The following KIN variants were observed in gnomAD, a reference collection of about 807,000 sequenced individuals.
KIN encodes Kin17 DNA and RNA binding protein, also known as DNA/RNA-binding protein KIN17.
A neutral mutation model predicts 63.0 loss-of-function variants in KIN; 47 were observed. The observed-to-expected ratio is 0.75, with a 90% CI of 0.59 to 0.95. KIN has a LOEUF of 0.95. Among genes scored for constraint, KIN ranks in the 40% least tolerant of loss-of-function variants. The probability of loss-of-function intolerance (pLI) is 0.00; values close to 1 mark genes in which losing one functional copy is unlikely to be tolerated. For missense variants in KIN, 408 were observed against 460.9 expected (o/e 0.89, Z 1.05); for synonymous variants, 160 against 157.7 (o/e 1.01, Z -0.11).
At chr10:7,764,450 A>G (rs758212671) in intron 9 of KIN, among the ~76,000 whole-genome samples, 4 of 152,238 alleles carry the variant, frequency 2.6e-5, no homozygotes, top group Non-Finnish European at 4.4e-5. Flanking sequence ...CTAAAAGCTA[A>G]TAATGAAAAT....
Position 7,756,111 on chromosome 10 carries a change from A to C in KIN, c.1151T>G (p.Ile384Ser). The C allele has an allele frequency of 6.5e-7, 1 of 1,535,062 alleles. No individual in the cohort carries two copies. The highest frequency in any genetic ancestry group is 8.9e-7 in the Non-Finnish European group (1 of 1,123,906). ...GPLKGRRVEG[I>S]QYEDISKLA is the part of the protein sequence containing the mutation. ...AAGTTTAGAAATGTCTTCATATTGA[A>C]TTCCTTCAACTCTGCGTCCTTTTAA... The change falls in exon 13 of 13, where the codon ATT becomes AGT. Residue 384 changes from isoleucine (I) to serine (S), a missense_variant. This residue lies in a region of KIN where 298 missense variants were observed against 296.0 expected (regional missense o/e 1.01). Coordinates refer to ENST00000379562, the MANE Select transcript of KIN (RefSeq NM_012311.4).
chr10:7,760,331 A>G (rs1200067578), intron 11 of KIN, among the ~76,000 whole-genome samples: 4 of 152,196 alleles, frequency 2.6e-5, no homozygotes, highest in African/African-American at 9.6e-5. Context: ...TCTTTGCAAA[A>G]TTCATAAGAT....
chr10:7,769,490 C>T (rs878899846), intron 7 of KIN, 145 bp from the exon 8 acceptor site: 1 of 768,864 alleles, frequency 1.3e-6, no homozygotes, highest in Admixed American at 2.6e-5. Context: ...CTGTCCACAT[C>T]TCTTACAGAA....
chr10:7,756,907 GAT>G (rs2130981347), intron 12 of KIN, among the ~76,000 whole-genome samples: 2 of 152,174 alleles, frequency 1.3e-5, no homozygotes, highest in African/African-American at 4.8e-5. Context: ...ATTAATGAAA[GAT>G]ATTTTCTATC....
In KIN at chr10:7,751,386, A is replaced by T. The variant is rs375117017; in HGVS notation, c.*4694T>A. On this transcript the variant is annotated 3_prime_UTR_variant, in exon 13 of 13. Coordinates refer to ENST00000379562, the MANE Select transcript of KIN (RefSeq NM_012311.4). ...AGTGAGCTCCTCTAAACCTAATTGCAAAATCTTAAGGAAATCTGATTGTTT... is the reference window on the plus strand; with the variant it reads ...AGTGAGCTCCTCTAAACCTAATTGCTAAATCTTAAGGAAATCTGATTGTTT... The T allele has an allele frequency of 2.6e-5, 4 of 152,196 alleles. No individual in the cohort carries two copies. Among genetic ancestry groups the T allele is most frequent in the African/African-American group, 9.7e-5 (4 of 41,444 alleles). The allele number at this position is 152,196 out of a possible 1,614,324, so 9.4% of individuals were successfully genotyped here.
At chr10:7,766,335 C>A in intron 8 of KIN, 2 of 418,176 alleles carry the variant, frequency 4.8e-6, no homozygotes, top group East Asian at 9.1e-5. Flanking sequence ...AGTCAACTGA[C>A]CTAGGAAGCA....
intron 12 of KIN, among the ~76,000 whole-genome samples, chr10:7,757,455 G>A (rs1450609697): frequency 6.6e-6 from 1 of 151,920 alleles, no homozygotes; most frequent in Non-Finnish European, 1.5e-5. Flanking sequence ...CTGAGATCGC[G>A]CCATTGCACT....
chr10:7,780,220 G>A (rs1237583592), intron 3 of KIN, 42 bp from the exon 4 acceptor site: 1 of 1,610,974 alleles, frequency 6.2e-7, no homozygotes, highest in Non-Finnish European at 8.5e-7. Context: ...AGAAGATTAT[G>A]CCATTTATAA....
intron 1 of KIN, among the ~76,000 whole-genome samples, chr10:7,786,168 A>C (rs948244683): frequency 5.9e-5 from 9 of 152,298 alleles, no homozygotes; most frequent in African/African-American, 2.2e-4. Flanking sequence ...TAATAACCAA[A>C]CCTATAACAG....
chr10:7,768,506 CAGAG>C (rs1365297941), intron 8 of KIN, among the ~76,000 whole-genome samples: 1 of 151,188 alleles, frequency 6.6e-6, no homozygotes, highest in Non-Finnish European at 1.5e-5. Context: ...GCCTGGGCAA[CAGAG>C]AGAGACTGTC....
At chr10:7,772,682 T>C (rs1438910161) in intron 7 of KIN, among the ~76,000 whole-genome samples, 1 of 152,236 alleles carries the variant, frequency 6.6e-6, no homozygotes, top group East Asian at 1.9e-4. Flanking sequence ...GTATTACCCA[T>C]GACACTACAT....
At chr10:7,760,324 T>C (rs544636378) in intron 11 of KIN, among the ~76,000 whole-genome samples, 1 of 152,294 alleles carries the variant, frequency 6.6e-6, no homozygotes, top group South Asian at 2.1e-4. Flanking sequence ...CTTTGTCTCT[T>C]TGCAAAATTC....
intron 9 of KIN, among the ~76,000 whole-genome samples, chr10:7,764,854 TGAGTTTAAAAACTAGGCACAGTG>T (rs1835509503): frequency 6.6e-6 from 1 of 152,174 alleles, no homozygotes; most frequent in Admixed American, 6.5e-5. Context: ...ATTTCCTTTC[TGAGTTTAAAAACTAGGCACAGTG>T]GGCCGGGCGC....
rs981933294 is a variant in KIN, at chr10:7,764,983, A to G, written c.849+1070T>C. ...GAGACCAGCCTGACCAACATGGAGA[A>G]ACCCCGTCTCTACTAAAAATACAAA... is the stretch of plus-strand genomic sequence containing the variant. On this transcript the variant is annotated intron_variant, in intron 9 of 12. Coordinates refer to ENST00000379562, the MANE Select transcript of KIN (RefSeq NM_012311.4). Among the ~76,000 whole-genome samples the G allele has an allele frequency of 3.3e-5, 5 of 151,882 alleles. No homozygotes were observed. The East Asian group carries it at 9.7e-4, about 29-fold the overall frequency.
At chr10:7,780,350 A>C (rs935442890) in intron 2 of KIN, 43 bp from the exon 3 acceptor site, 1 of 1,470,784 alleles carries the variant, frequency 6.8e-7, no homozygotes, top group Non-Finnish European at 9.3e-7. Context: ...ATTTCTACAA[A>C]CATATAGCAT....
At chr10:7,773,226 T>C (rs1206640241) in intron 7 of KIN, among the ~76,000 whole-genome samples, 2 of 152,324 alleles carry the variant, frequency 1.3e-5, no homozygotes, top group Middle Eastern at 6.8e-3. Context: ...AAGCCAGTGA[T>C]ACTGATTCAG....
chr10:7,786,287 T>C (rs1836004621), intron 1 of KIN, among the ~76,000 whole-genome samples: 1 of 152,240 alleles, frequency 6.6e-6, no homozygotes, highest in African/African-American at 2.4e-5. Flanking sequence ...TTGTGTTATG[T>C]TGATGACATA....
At position 7,783,176 on chromosome 10, in the gene KIN, C is replaced by A; in HGVS notation, c.115-1G>T. 6.4e-7 allele frequency: 1 copy of A among 1,556,042 alleles called. No individual in the cohort carries two copies. Among genetic ancestry groups the A allele is most frequent in the Non-Finnish European group, 8.7e-7 (1 of 1,146,772 alleles). ...ACATACAATGACACTTAAAGCCATT[C>A]TACAAAAAATGTAAAAGCAATAAAT... On this transcript the variant is annotated splice_acceptor_variant, in intron 1 of 12. Coordinates refer to ENST00000379562, the MANE Select transcript of KIN (RefSeq NM_012311.4). LOFTEE classifies it high-confidence loss of function.
At chr10:7,766,672 C>T (rs1835549376) in intron 8 of KIN, among the ~76,000 whole-genome samples, 1 of 151,894 alleles carries the variant, frequency 6.6e-6, no homozygotes, top group Non-Finnish European at 1.5e-5. Context: ...TTACAGTTAA[C>T]CCTAAGTACC....
Sources: allele counts gnomAD v4.1 joint callset (sites outside exome capture counted in the v4.1 genomes callset), GRCh38; gene constraint gnomAD v4.1.1; regional missense constraint gnomAD v4.1.1; transcripts MANE v1.5; gene names NCBI Gene and HGNC (gene_info 2026-07-23, HGNC 2026-07-21).